Variants in LAMA5 observed in about 807,000 individuals in gnomAD.
LAMA5 encodes the protein laminin subunit alpha 5, also known as laminin subunit alpha-5.
In LAMA5, 260 loss-of-function variants were observed where a neutral mutation model predicts 433.4. The ratio of observed to expected loss-of-function variants is 0.60; its 90% CI spans 0.54 to 0.66. LAMA5 has a LOEUF of 0.66. Ranked by LOEUF, LAMA5 falls within the 30% of genes least tolerant of loss-of-function variation. The pLI is 0.00. For missense variants in LAMA5, 5,378 were observed against 5,258.5 expected, an observed-to-expected ratio of 1.02 and a Z score of -0.70; for synonymous variants, 2,620 against 2,226.6, an observed-to-expected ratio of 1.18 and a Z score of -4.97.
chr20:62,338,334 G>A lies in LAMA5; in HGVS notation c.1654C>T (p.Arg552Cys), dbSNP rs377712363. The change falls in exon 13 of 80, where the codon CGC (arginine) becomes TGC (cysteine). Residue 552 changes from arginine to cysteine, a missense_variant. Coordinates refer to ENST00000252999, the MANE Select transcript of LAMA5 (RefSeq NM_005560.6). ...QCSSPGVADD[R>C]CDPDTGQCRC... is the part of the protein sequence containing the mutation. ...CACTGGCCTGTGTCAGGGTCACAGCGGTCATCGGCCACTCCAGGGCTGGAA... is the reference window on the plus strand; with the variant it reads ...CACTGGCCTGTGTCAGGGTCACAGCAGTCATCGGCCACTCCAGGGCTGGAA... 4.4e-6 allele frequency: 7 copies of A among 1,608,716 alleles called. No individual in the cohort carries two copies. Among genetic ancestry groups the A allele is most frequent in the East Asian group, 2.2e-5 (1 of 44,740 alleles).
At position 62,351,702 on chromosome 20, in the gene LAMA5, A is replaced by C; in HGVS notation, c.956+2T>G. On this transcript the variant is annotated splice_donor_variant, in intron 6 of 79. Coordinates refer to ENST00000252999, the MANE Select transcript of LAMA5 (RefSeq NM_005560.6). LOFTEE classifies it high-confidence loss of function. ...CGGGGCCTCACCTGAATGGGGCCTC[A>C]CCTGAACGGGTCCGTGGGGTCTTTG... The C allele has an allele frequency of 6.2e-7, 1 of 1,610,482 alleles. No individual in the cohort carries two copies. The highest frequency in any genetic ancestry group is 8.5e-7 in the Non-Finnish European group (1 of 1,179,478).
In LAMA5 at chr20:62,310,281, C is replaced by A; in HGVS notation, c.10631G>T (p.Gly3544Val). 1 of 1,610,540 alleles carries A rather than the reference C, an allele frequency of 6.2e-7. No homozygotes were observed. The highest frequency in any genetic ancestry group is 2.2e-5 in the East Asian group (1 of 44,828). ...DLPGATLPDV[G>V]LELEVRPLAV... The stretch of plus-strand genomic sequence containing the variant: ...CAGGGGCCGCACCTCCAGTTCCAGG[C>A]CCACATCAGGCAGTGTAGCTCCTGG... The change falls in exon 77 of 80, where the codon GGC (glycine) becomes GTC (valine). Residue 3544 changes from glycine to valine, a missense_variant. Gly to Val is a moderately radical substitution (Grantham distance 109). Coordinates refer to ENST00000252999, the MANE Select transcript of LAMA5 (RefSeq NM_005560.6).
chr20:62,347,524 G>C (rs747996953), intron 6 of LAMA5, among the ~76,000 whole-genome samples: 4 of 152,156 alleles, frequency 2.6e-5, no homozygotes, highest in South Asian at 4.1e-4. Context: ...CTCAGATTTC[G>C]CTTAGCAGGC....
rs1433290845 is a variant in LAMA5, at chr20:62,351,939, C to T, written c.828G>A (p.Lys276=). 2 of 1,611,040 alleles carry T rather than the reference C, an allele frequency of 1.2e-6. No homozygotes were observed. The highest frequency in any genetic ancestry group is 1.7e-6 in the Non-Finnish European group (2 of 1,179,340). Residue 276 remains lysine, a synonymous_variant, in exon 5 of 80, where the codon AAG becomes AAA. Transcript: ENST00000252999. The part of the protein sequence containing the change: ...TNTLLGHLMG[K]ALRDPTVTRR... ...GGGTGACCGTGGGGTCCCGCAGCGC[C>T]TTCCCCATGAGATGGCCCAGCAGCG...
Position 62,318,950 on chromosome 20 carries a change from A to G in LAMA5, c.6935T>C (p.Leu2312Pro). ...ANASAPSGEQ[L>P]LRTLAEVERL... is the part of the protein sequence containing the mutation. ...CTCCACCTCGGCCAGTGTCCGGAGC[A>G]GCTGCTCACCTGATGGAGCCGAGGC... Residue 2312 changes from leucine (L) to proline (P), a missense_variant, in exon 52 of 80, where the codon CTG (leucine) becomes CCG (proline). Physicochemically the swap from Leu to Pro is moderately conservative, Grantham distance 98 (BLOSUM62 -3). Transcript: ENST00000252999. 2 of 1,597,366 alleles carry G rather than the reference A, an allele frequency of 1.3e-6. No homozygotes were observed. The highest frequency in any genetic ancestry group is 2.2e-5 in the South Asian group (2 of 89,314).
At position 62,317,264 on chromosome 20, in the gene LAMA5, T is replaced by C. The variant is rs73613563; in HGVS notation, c.7511+81A>G. The C allele has an allele frequency of 7.1e-6, 10 of 1,408,604 alleles. No homozygotes were observed. The East Asian group carries it at 2.6e-4, about 36-fold the overall frequency. The allele number at this position is 1,408,604 out of a possible 1,614,324, so 87.3% of individuals were successfully genotyped here. Reference sequence around the variant, plus strand: ...ACAACGGCCTCAGCCCCTAGGAGCCTTCCCAGACCAGCTGGCCCTCCCAAG... The same window carrying C: ...ACAACGGCCTCAGCCCCTAGGAGCCCTCCCAGACCAGCTGGCCCTCCCAAG... On this transcript the variant is annotated intron_variant, in intron 55 of 79. Transcript: ENST00000252999.
Position 62,362,446 on chromosome 20 carries a change from C to T in LAMA5, c.404G>A (p.Arg135His), listed in dbSNP as rs368196004. The T allele has an allele frequency of 6.9e-6, 11 of 1,588,792 alleles. No homozygotes were observed. The South Asian group carries it at 7.9e-5, about 11-fold the overall frequency. The change falls in exon 2 of 80, where the codon CGC (arginine) becomes CAC (histidine). Residue 135 changes from arginine to histidine, a missense_variant. By Grantham distance (29) the Arg-to-His change is conservative. Transcript: ENST00000252999. Reference sequence around the variant, plus strand: ...GTTGACCTCGTTGTACTCCAGGCCGCGGGACAGCGGTGGACTCTGCCACCA... The same window carrying T: ...GTTGACCTCGTTGTACTCCAGGCCGTGGGACAGCGGTGGACTCTGCCACCA... The part of the protein sequence containing the change: ...ERWWQSPPLS[R>H]GLEYNEVNVT...
At chr20:62,366,821 C>G (rs1030304833) in intron 1 of LAMA5, 128 bp downstream of exon 1, 33 of 1,206,116 alleles carry the variant, frequency 2.7e-5, no homozygotes. Flanking sequence ...TCTTGGGCCC[C>G]CAAAATGCGG....
In LAMA5 at chr20:62,318,443, G is replaced by C. The variant is rs114495910; in HGVS notation, c.7239+11C>G. The C allele has an allele frequency of 1.8e-5, 29 of 1,585,288 alleles. No individual in the cohort carries two copies. In the South Asian group the frequency reaches 2.2e-4, roughly 12 times the overall value. On this transcript the variant is annotated intron_variant, in intron 53 of 79. Transcript: ENST00000252999. ...GAGGAGCAGGAGGAAGAACAAGTCC[G>C]GGGTCCTCACCAGGGCTTCCTCCAG...
At chr20:62,334,728 G>A in intron 20 of LAMA5, 107 bp from the exon 21 acceptor site, 1 of 695,230 alleles carries the variant, frequency 1.4e-6, no homozygotes, top group Non-Finnish European at 2.1e-6. Context: ...GGATGATGGA[G>A]AGTCAGGGCT....
intron 38 of LAMA5, 35 bp downstream of exon 38, chr20:62,327,198 C>A: frequency 6.8e-7 from 1 of 1,465,608 alleles, no homozygotes; most frequent in South Asian, 1.4e-5. Flanking sequence ...TGGCCATCCT[C>A]AAAGTGCCTC....
chr20:62,311,484 T>C lies in LAMA5; in HGVS notation c.9859A>G (p.Asn3287Asp). 6.2e-7 allele frequency: 1 copy of C among 1,610,618 alleles called. No homozygotes were observed. The highest frequency in any genetic ancestry group is 8.5e-7 in the Non-Finnish European group (1 of 1,178,902). ...GCGGGTGCACAGCCCGTGCTCACAT[T>C]GACGCTGCCCAGGTTCTGCTGCAGA... ...FDLQQNLGSVNVSTGCAPALQ... is the reference protein window; with the variant it reads ...FDLQQNLGSVDVSTGCAPALQ... Residue 3287 changes from asparagine (N) to aspartate (D), a missense_variant, in exon 72 of 80, where the codon AAT (asparagine) becomes GAT (aspartate). Asn to Asp is a conservative substitution (Grantham distance 23). Coordinates refer to ENST00000252999, the MANE Select transcript of LAMA5 (RefSeq NM_005560.6).
chr20:62,309,255 A>G lies in LAMA5; in HGVS notation c.*81T>C. ...TGTCACCCGTAGAGCTTAGAGTCCA[A>G]ATAGACACCTATGAGGCGAGCACAA... On this transcript the variant is annotated 3_prime_UTR_variant, in exon 80 of 80. Transcript: ENST00000252999. 1 of 1,395,686 alleles carries G rather than the reference A, an allele frequency of 7.2e-7. No individual in the cohort carries two copies. The highest frequency in any genetic ancestry group is 2.5e-4 in the Middle Eastern group (1 of 3,936). The allele number at this position is 1,395,686 out of a possible 1,614,324, so 86.5% of individuals were successfully genotyped here. A position where few individuals can be genotyped will look rare whatever the true frequency, so the allele number is the denominator to read the frequency against.
At chr20:62,341,259 A>C (rs1982553787) in intron 11 of LAMA5, among the ~76,000 whole-genome samples, 1 of 152,144 alleles carries the variant, frequency 6.6e-6, no homozygotes, top group African/African-American at 2.4e-5. Context: ...TGACGGGTTG[A>C]AAGAAAATAA....
Position 62,366,940 on chromosome 20 carries a change from T to C in LAMA5, c.297+9A>G. 1.6e-6 allele frequency: 2 copies of C among 1,239,914 alleles called. No homozygotes were observed. Among genetic ancestry groups the C allele is most frequent in the Non-Finnish European group, 1.0e-6 (1 of 991,314 alleles). 76.8% of individuals were successfully genotyped at this position (1,239,914 alleles called of 1,614,324 possible). ...GGGAGGAAGCCCCACGGCCCGCCCC[T>C]GCGCTCACCCGGATGGTCTGGTTGG... On this transcript the variant is annotated intron_variant, in intron 1 of 79. Transcript: ENST00000252999.
rs1469504528 is a variant in LAMA5 at position 62,311,518 on chromosome 20, G to A, written c.9825C>T (p.Arg3275=). Residue 3275 remains arginine (R), a synonymous_variant, in exon 72 of 80, where the codon CGC becomes CGT. Coordinates refer to ENST00000252999, the MANE Select transcript of LAMA5 (RefSeq NM_005560.6). ...CCAGGTTCTGCTGCAGATCAAATAC[G>A]CGCTGTGGGCCCAGGAGCCTGTGCA... ...VFVQRLLGPQ[R]VFDLQQNLGS... The A allele has an allele frequency of 9.9e-6, 16 of 1,610,106 alleles. No homozygotes were observed. Among genetic ancestry groups the A allele is most frequent in the South Asian group, 7.7e-5 (7 of 90,934 alleles).
In LAMA5 at chr20:62,329,368, GCC is replaced by G. The variant is rs1364023353; in HGVS notation, c.4120-117_4120-116del. On this transcript the variant is annotated intron_variant, in intron 32 of 79. Transcript: ENST00000252999. ...GCAGCTCAGAGTCCTGGCAGCAGCA[GCC>G]CAGCCCAGCCCAGCCCAGCCCTGGG... The G allele has an allele frequency of 4.3e-4, 22 of 51,682 alleles. No homozygotes were observed. In the South Asian group the frequency reaches 4.8e-3, roughly 11 times the overall value. 3.2% of individuals were successfully genotyped at this position (51,682 alleles called of 1,614,324 possible). A position where few individuals can be genotyped will look rare whatever the true frequency, so the allele number is the denominator to read the frequency against.
chr20:62,317,845 G>A (rs1987132377), intron 53 of LAMA5, 67 bp from the exon 54 acceptor site: 16 of 595,798 alleles, frequency 2.7e-5, no homozygotes, highest in Middle Eastern at 1.1e-3. Context: ...GTGATGGGGT[G>A]GACAGCAGGG....
At chr20:62,365,248 C>G (rs976006832) in intron 1 of LAMA5, among the ~76,000 whole-genome samples, 10 of 152,226 alleles carry the variant, frequency 6.6e-5, no homozygotes, top group Non-Finnish European at 1.2e-4. Context: ...CAGCCCACAG[C>G]TGCCACTGAA....
Sources: gnomAD v4.1 joint callset for allele counts (sites outside exome capture counted in the v4.1 genomes callset) on GRCh38, gnomAD v4.1.1 for gene constraint, MANE v1.5 for transcripts, NCBI Gene and HGNC (gene_info 2026-07-23, HGNC 2026-07-21) for gene names.